INTS7: variants seen among roughly 807,000 people sequenced by gnomAD.
The protein encoded by INTS7 is chromosome 1 open reading frame 73.
In INTS7, 46 loss-of-function variants were observed where a neutral mutation model predicts 109.2. That is an observed-to-expected ratio of 0.42 (90% CI 0.33 to 0.54). INTS7 has a LOEUF of 0.54. INTS7 is among the 20% of genes least tolerant of loss of function. INTS7 has a pLI of 0.07. For missense variants in INTS7, 929 were observed against 1,132.4 expected (o/e 0.82, Z 2.58); for synonymous variants, 412 against 402.9 (o/e 1.02, Z -0.27).
intron 16 of INTS7, among the ~76,000 whole-genome samples, chr1:211,962,755 AAAC>A (rs1179740303): frequency 6.6e-6 from 1 of 152,222 alleles, no homozygotes; most frequent in Non-Finnish European, 1.5e-5. Context: ...CATGGAAATT[AAAC>A]AACGTGCTCC....
chr1:212,032,730 C>T (rs373738623), intron 1 of INTS7, among the ~76,000 whole-genome samples: 3 of 152,186 alleles, frequency 2.0e-5, no homozygotes, highest in African/African-American at 7.2e-5. Flanking sequence ...CCGCCCGCCT[C>T]AGCTTCCCAA....
intron 7 of INTS7, among the ~76,000 whole-genome samples, chr1:211,999,824 C>CCTTTTTATATA (rs1398546091): frequency 2.0e-5 from 3 of 152,218 alleles, no homozygotes; most frequent in Non-Finnish European, 4.4e-5. Flanking sequence ...GATATATAGG[C>CCTTTTTATATA]CGGGCGTGGT....
At position 211,944,895 on chromosome 1, in the gene INTS7, C is replaced by A. The variant is rs1338351660; in HGVS notation, c.2490G>T (p.Lys830Asn). The change falls in exon 19 of 20, where the codon AAG becomes AAT. Residue 830 changes from lysine (K) to asparagine (N), a missense_variant. Lys to Asn is a moderately conservative substitution (Grantham distance 94). This residue lies in a region of INTS7 where 787 missense variants were observed against 901.1 expected (regional missense o/e 0.87). Coordinates refer to ENST00000366994, the MANE Select transcript of INTS7 (RefSeq NM_015434.4). Reference sequence around the variant, plus strand: ...ATCCGTGCTGAACCACTCCCTCTACCTTTAGCGCCAGCTGCTGGTTATTCT... The same window carrying A: ...ATCCGTGCTGAACCACTCCCTCTACATTTAGCGCCAGCTGCTGGTTATTCT... ...AVQNNQQLALKVEGVVQHGSK... is the reference protein window; with the variant it reads ...AVQNNQQLALNVEGVVQHGSK... The A allele has an allele frequency of 3.7e-6, 6 of 1,614,082 alleles. No homozygotes were observed. The highest frequency in any genetic ancestry group is 8.5e-7 in the Non-Finnish European group (1 of 1,180,018).
chr1:211,952,590 T>A lies in INTS7; in HGVS notation c.2295A>T (p.Lys765Asn), dbSNP rs1203848981. 2 of 1,612,932 alleles carry A rather than the reference T, an allele frequency of 1.2e-6. No individual in the cohort carries two copies. The highest frequency in any genetic ancestry group is 1.7e-6 in the Non-Finnish European group (2 of 1,179,638). The change falls in exon 17 of 20, where the codon AAA becomes AAT. Residue 765 changes from lysine (K) to asparagine (N), a missense_variant. Around this residue, in one of 2 missense-constraint regions of INTS7, gnomAD observed 787 missense variants for 901.1 expected, o/e 0.87. Transcript: ENST00000366994. Reference sequence around the variant, plus strand: ...TTGCCATATAAGAAACAGGGGTATATTTCCGATTGAGTGATTCTACCTCCT... The same window carrying A: ...TTGCCATATAAGAAACAGGGGTATAATTCCGATTGAGTGATTCTACCTCCT... ...VLEEVESLNR[K>N]YTPVSYMHTA...
At chr1:211,947,291 G>A (rs1438722483) in intron 17 of INTS7, among the ~76,000 whole-genome samples, 2 of 152,100 alleles carry the variant, frequency 1.3e-5, no homozygotes, top group Admixed American at 1.3e-4. Context: ...ACTGAGTTTT[G>A]AAAATCCCAG....
chr1:211,953,094 C>T (rs1571843393), intron 16 of INTS7, among the ~76,000 whole-genome samples: 1 of 152,100 alleles, frequency 6.6e-6, no homozygotes, highest in Non-Finnish European at 1.5e-5. Context: ...AATAACAGGT[C>T]AGAACATGGA....
At chr1:212,008,391 T>C (rs1397477623) in intron 5 of INTS7, among the ~76,000 whole-genome samples, 1 of 152,206 alleles carries the variant, frequency 6.6e-6, no homozygotes, top group African/African-American at 2.4e-5. Context: ...CCACTTTTAC[T>C]GTTTTCTGAC....
intron 1 of INTS7, 89 bp from the exon 2 acceptor site, chr1:212,021,301 G>T: frequency 1.9e-6 from 2 of 1,078,618 alleles, no homozygotes; most frequent in African/African-American, 1.6e-5. Flanking sequence ...TTACTAGATA[G>T]TAAAGAAATA....
intron 4 of INTS7, among the ~76,000 whole-genome samples, chr1:212,014,795 T>C (rs1450804165): frequency 6.6e-6 from 1 of 152,228 alleles, no homozygotes; most frequent in African/African-American, 2.4e-5. Flanking sequence ...TCTGCCCGCC[T>C]GGGCCTCCCG....
At chr1:211,950,131 C>G (rs1202310340) in intron 17 of INTS7, among the ~76,000 whole-genome samples, 1 of 152,196 alleles carries the variant, frequency 6.6e-6, no homozygotes, top group African/African-American at 2.4e-5. Flanking sequence ...CTATGGACAA[C>G]TTGAGGGAAG....
At chr1:212,019,831 G>T (rs1296665997) in intron 3 of INTS7, among the ~76,000 whole-genome samples, 1 of 152,180 alleles carries the variant, frequency 6.6e-6, no homozygotes, top group Non-Finnish European at 1.5e-5. Context: ...AATGTGCTGA[G>T]GCTAAGCTAT....
intron 7 of INTS7, among the ~76,000 whole-genome samples, chr1:211,991,229 C>T (rs1665130200): frequency 6.6e-6 from 1 of 151,980 alleles, no homozygotes; most frequent in Non-Finnish European, 1.5e-5. Context: ...ATATGAAGTC[C>T]AAGAAGAAAT....
At chr1:211,956,845 G>A (rs1455363355) in intron 16 of INTS7, among the ~76,000 whole-genome samples, 3 of 152,022 alleles carry the variant, frequency 2.0e-5, no homozygotes, top group Non-Finnish European at 4.4e-5. Context: ...AGAGACACTT[G>A]GGTTTTTCCA....
intron 8 of INTS7, among the ~76,000 whole-genome samples, chr1:211,983,662 CTT>C (rs1196484790): frequency 1.3e-5 from 2 of 152,122 alleles, no homozygotes. Flanking sequence ...TCAACTTCAA[CTT>C]TGTTTCTCAT....
At chr1:212,003,062 T>C (rs1274322367) in intron 7 of INTS7, among the ~76,000 whole-genome samples, 1 of 151,904 alleles carries the variant, frequency 6.6e-6, no homozygotes, top group Non-Finnish European at 1.5e-5. Flanking sequence ...ATAAGGAACA[T>C]GAGGGATTAA....
chr1:211,976,498 T>TTTAGTTTC, intron 12 of INTS7, 84 bp downstream of exon 12: 1 of 1,255,634 alleles, frequency 8.0e-7, no homozygotes, highest in Non-Finnish European at 1.1e-6. Flanking sequence ...TTTTTAGTTT[T>TTTAGTTTC]GACTACAACT....
chr1:211,969,714 C>T (rs1022186914), intron 13 of INTS7, among the ~76,000 whole-genome samples: 2 of 143,238 alleles, frequency 1.4e-5, no homozygotes, highest in Non-Finnish European at 3.1e-5. Context: ...TACCACCATG[C>T]CTGGCTAATT....
chr1:212,000,279 C>G (rs1010677754), intron 7 of INTS7, among the ~76,000 whole-genome samples: 2 of 152,186 alleles, frequency 1.3e-5, no homozygotes, highest in Non-Finnish European at 2.9e-5. Flanking sequence ...AAAACTGATT[C>G]CAGAAGAGGT....
chr1:211,941,895 G>T lies in INTS7; in HGVS notation c.2818C>A (p.Arg940Ser). 6.2e-7 allele frequency: 1 copy of T among 1,614,160 alleles called. No individual in the cohort carries two copies. The highest frequency in any genetic ancestry group is 8.5e-7 in the Non-Finnish European group (1 of 1,180,036). The change falls in exon 20 of 20, where the codon CGC (arginine) becomes AGC (serine). Residue 940 changes from arginine (R) to serine (S), a missense_variant. Arg to Ser is a moderately radical substitution (Grantham distance 110). This residue lies in a region of INTS7 where 787 missense variants were observed against 901.1 expected (regional missense o/e 0.87). Coordinates refer to ENST00000366994, the MANE Select transcript of INTS7 (RefSeq NM_015434.4). ...TGCTGGGCTTGCTGCTGTTGTAAGC[G>T]AATTTGCTGGGAATAAGGGTCTTCC... The part of the protein sequence containing the change: ...SLEDPYSQQI[R>S]LQQQQAQQPL...
Sources: allele counts gnomAD v4.1 joint callset (sites outside exome capture counted in the v4.1 genomes callset), GRCh38; gene constraint gnomAD v4.1.1; regional missense constraint gnomAD v4.1.1; transcripts MANE v1.5; gene names NCBI Gene and HGNC (gene_info 2026-07-23, HGNC 2026-07-21).